The following LILRB2 variants were observed in gnomAD, a reference collection of about 807,000 sequenced individuals.
The protein encoded by LILRB2 is leukocyte immunoglobulin-like receptor subfamily B member 2.
LILRB2 carries 47 observed loss-of-function variants against 72.7 expected under a neutral mutation model. The observed-to-expected ratio is 0.65, with a 90% CI of 0.51 to 0.82. LILRB2 has a LOEUF of 0.82. LILRB2 is among the 40% of genes least tolerant of loss of function. LILRB2 has a pLI of 0.00. For synonymous variants in LILRB2, 279 were observed against 313.7 expected, an observed-to-expected ratio of 0.89 and a Z score of 1.17; for missense variants, 767 against 764.8, an observed-to-expected ratio of 1.00 and a Z score of -0.03.
chr19:54,277,851 G>T (rs1436172649), intron 8 of LILRB2, 38 bp downstream of exon 8: 3 of 1,504,294 alleles, frequency 2.0e-6, no homozygotes, highest in East Asian at 2.5e-5. Context: ...CCTGGGGGTC[G>T]CTGCGCTCCC....
At position 54,279,573 on chromosome 19, in the gene LILRB2, A is replaced by C. The variant is rs1234263758; in HGVS notation, c.430T>G (p.Cys144Gly). Residue 144 changes from cysteine to glycine, a missense_variant, in exon 5 of 14, where the codon TGT (cysteine) becomes GGT (glycine). Physicochemically the swap from Cys to Gly is radical, Grantham distance 159. This residue lies in a region of LILRB2 where 599 missense variants were observed against 568.2 expected (regional missense o/e 1.05). Transcript: ENST00000314446. ...CCGCCAAATGCCACCTGTGACTCAC[A>C]CTGGAGGGTCACCCTTCCTCCTGAG... ...VTSGGRVTLQ[C>G]ESQVAFGGFI... The C allele has an allele frequency of 6.2e-7, 1 of 1,614,078 alleles. No individual in the cohort carries two copies. The highest frequency in any genetic ancestry group is 8.5e-7 in the Non-Finnish European group (1 of 1,179,990).
chr19:54,275,292 A>T (rs976000427), intron 13 of LILRB2: 145 of 624,786 alleles, frequency 2.3e-4, no homozygotes, highest in Non-Finnish European at 9.3e-5. Context: ...TTCCCGCAAG[A>T]GCTCGCTGCT....
Position 54,278,897 on chromosome 19 carries a change from G to A in LILRB2, c.870C>T (p.Tyr290=), listed in dbSNP as rs767091588. ...CACCGTAGCATCTGTACTGGCCCCC[G>A]TAGGAGCGGCTCACAGGGCCCAGGG... ...NFTLGPVSRS[Y]GGQYRCYGAH... Residue 290 remains tyrosine, a synonymous_variant, in exon 6 of 14, where the codon TAC becomes TAT. Coordinates refer to ENST00000314446, the MANE Select transcript of LILRB2 (RefSeq NM_001080978.4). 1.3e-5 allele frequency: 21 copies of A among 1,614,034 alleles called. 1 individual carries two copies. The South Asian group carries it at 1.3e-4, about 10-fold the overall frequency.
chr19:54,278,630 T>C lies in LILRB2; in HGVS notation c.956-68A>G, dbSNP rs1006418596. On this transcript the variant is annotated intron_variant, in intron 6 of 13. Transcript: ENST00000314446. Reference sequence around the variant, plus strand: ...CTGAGCTGAGACCTCCCCAGGCCTCTCTAGGAGCCTCTGTCTCTGTTTTCT... The same window carrying C: ...CTGAGCTGAGACCTCCCCAGGCCTCCCTAGGAGCCTCTGTCTCTGTTTTCT... 1.5e-5 allele frequency: 23 copies of C among 1,510,776 alleles called. No homozygotes were observed. In the Admixed American group the frequency reaches 2.0e-4, roughly 13 times the overall value. 93.6% of individuals were successfully genotyped at this position (1,510,776 alleles called of 1,614,324 possible). A position where few individuals can be genotyped will look rare whatever the true frequency, so the allele number is the denominator to read the frequency against.
At position 54,280,015 on chromosome 19, in the gene LILRB2, G is replaced by A; in HGVS notation, c.131C>T (p.Pro44Leu). The change falls in exon 4 of 14, where the codon CCC (proline) becomes CTC (leucine). Residue 44 changes from proline to leucine, a missense_variant. By Grantham distance (98) the Pro-to-Leu change is moderately conservative (BLOSUM62 -3). Transcript: ENST00000314446. ...EPDSVITQGS[P>L]VTLSCQGSLE... The stretch of plus-strand genomic sequence containing the variant: ...GCTCCCCTGACAACTGAGGGTGACG[G>A]GACTCCCCTGGGTGATCACAGAGTC... 6.2e-7 allele frequency: 1 copy of A among 1,614,080 alleles called. No individual in the cohort carries two copies. Among genetic ancestry groups the A allele is most frequent in the Non-Finnish European group, 8.5e-7 (1 of 1,179,982 alleles).
In LILRB2 at chr19:54,274,510, A is replaced by G; in HGVS notation, c.*173T>C. The G allele has an allele frequency of 8.4e-7, 1 of 1,183,780 alleles. No homozygotes were observed. Among genetic ancestry groups the G allele is most frequent in the Non-Finnish European group, 1.2e-6 (1 of 858,246 alleles). 73.3% of individuals were successfully genotyped at this position (1,183,780 alleles called of 1,614,324 possible). ...TTTAATTAAAAAATGTAGGGATATT[A>G]GTTATTTCGACTGCAGAATCAAGTG... On this transcript the variant is annotated 3_prime_UTR_variant, in exon 14 of 14. Coordinates refer to ENST00000314446, the MANE Select transcript of LILRB2 (RefSeq NM_001080978.4).
chr19:54,275,693 C>T (rs1265869308), intron 13 of LILRB2: 10 of 622,840 alleles, frequency 1.6e-5, no homozygotes, highest in Non-Finnish European at 3.1e-5. Context: ...CCTCATCCTC[C>T]AGAGGCCTGG....
rs1178991107 is a variant in LILRB2, at chr19:54,279,126, T to C, written c.659-18A>G. On this transcript the variant is annotated intron_variant, in intron 5 of 13. Transcript: ENST00000314446. ...AGAAACACCTGGGAAAAGGTGCTCA[T>C]GGTTTCCAGGAGCCGACCCTCAGGC... 1 of 1,606,740 alleles carries C rather than the reference T, an allele frequency of 6.2e-7. No individual in the cohort carries two copies. Among genetic ancestry groups the C allele is most frequent in the Non-Finnish European group, 8.5e-7 (1 of 1,175,186 alleles).
chr19:54,277,522 C>T (rs768331689), intron 9 of LILRB2, 28 bp downstream of exon 9: 4 of 1,557,034 alleles, frequency 2.6e-6, no homozygotes, highest in Admixed American at 1.9e-5. Context: ...GGACCCCGCC[C>T]ACCTCCCACT....
At chr19:54,277,439 G>C in intron 9 of LILRB2, 111 bp downstream of exon 9, 1 of 1,479,896 alleles carries the variant, frequency 6.8e-7, no homozygotes, top group Non-Finnish European at 9.2e-7. Context: ...GGCCCAGGCA[G>C]GGGAGGAGCC....
intron 7 of LILRB2, 47 bp downstream of exon 7, chr19:54,278,213 C>T (rs748113569): frequency 3.1e-6 from 5 of 1,609,260 alleles, no homozygotes; most frequent in Admixed American, 3.3e-5. Context: ...GGGGCAGGGC[C>T]TGAGCTGAGC....
chr19:54,275,320 C>T (rs111973932), intron 13 of LILRB2: 151 of 571,500 alleles, frequency 2.6e-4, no homozygotes, highest in Middle Eastern at 9.8e-4. Flanking sequence ...GGCCTTTGCA[C>T]GGCTGTTTCC....
chr19:54,280,284 G>A lies in LILRB2; in HGVS notation c.50C>T (p.Pro17Leu), dbSNP rs1484375952. The change falls in exon 3 of 14, where the codon CCC becomes CTC. Residue 17 changes from proline to leucine, a missense_variant. Physicochemically the swap from Pro to Leu is moderately conservative, Grantham distance 98 (BLOSUM62 -3). Transcript: ENST00000314446. ...VLICLGLSLG[P>L]RTRVQTGTIP... ...CTCACCTGTCTGCACGCGGGTCCTGGGGCCCAGACTCAGCCCTGGAAGAGA... is the reference window on the plus strand; with the variant it reads ...CTCACCTGTCTGCACGCGGGTCCTGAGGCCCAGACTCAGCCCTGGAAGAGA... The A allele has an allele frequency of 5.6e-6, 9 of 1,613,958 alleles. No individual in the cohort carries two copies. In the African/African-American group the frequency reaches 1.2e-4, roughly 22 times the overall value.
rs41308750 is a variant in LILRB2, at chr19:54,278,882, T to C, written c.885A>G (p.Arg295=). 10,989 of 1,599,108 alleles carry C rather than the reference T, an allele frequency of 6.9e-3. 54 individuals are homozygous for C. Among genetic ancestry groups the C allele is most frequent in the Admixed American group, 0.014 (815 of 59,800 alleles). ...AGGAGAGGTTGTGTGCACCGTAGCA[T>C]CTGTACTGGCCCCCGTAGGAGCGGC... is the stretch of plus-strand genomic sequence containing the variant. The part of the protein sequence containing the change: ...PVSRSYGGQY[R]CYGAHNLSSE... Residue 295 remains arginine, a synonymous_variant, in exon 6 of 14, where the codon AGA becomes AGG. Transcript: ENST00000314446.
chr19:54,281,087 G>T lies in LILRB2; in HGVS notation c.-175C>A, dbSNP rs1744109034. ...TGCTGTCCAGGTTGAGCTGTGTGTG[G>T]CAGTGAGCACAGAGGAGAAATGCAG... On this transcript the variant is annotated 5_prime_UTR_variant, in exon 1 of 14. Transcript: ENST00000314446. 2 of 441,414 alleles carry T rather than the reference G, an allele frequency of 4.5e-6. No individual in the cohort carries two copies. Among genetic ancestry groups the T allele is most frequent in the Admixed American group, 2.5e-5 (1 of 40,172 alleles). 27.3% of individuals were successfully genotyped at this position (441,414 alleles called of 1,614,324 possible).
Position 54,276,274 on chromosome 19 carries a change from T to C in LILRB2, c.1584A>G (p.Glu528=). 1.2e-6 allele frequency: 2 copies of C among 1,613,934 alleles called. No individual in the cohort carries two copies. Among genetic ancestry groups the C allele is most frequent in the Non-Finnish European group, 1.7e-6 (2 of 1,179,914 alleles). ...WRSSPAADAQ[E]ENLYAAVKDT... The stretch of plus-strand genomic sequence containing the variant: ...CTTCCTCTCACTCACAGAGGTTTTC[T>C]TCCTGGGCGTCGGCAGCTGGGCTGG... Residue 528 remains glutamate, a synonymous_variant, in exon 12 of 14, where the codon GAA becomes GAG. Coordinates refer to ENST00000314446, the MANE Select transcript of LILRB2 (RefSeq NM_001080978.4).
At chr19:54,275,761 G>A (rs1319089568) in intron 13 of LILRB2, 190 bp downstream of exon 13, 35 of 801,140 alleles carry the variant, frequency 4.4e-5, no homozygotes, top group Non-Finnish European at 6.3e-5. Context: ...AGGGGACCCG[G>A]GAGGAGGCCC....
At chr19:54,277,858 T>A in intron 8 of LILRB2, 31 bp downstream of exon 8, 1 of 1,529,208 alleles carries the variant, frequency 6.5e-7, no homozygotes, top group Admixed American at 2.0e-5. Context: ...GTCGCTGCGC[T>A]CCCTTCGAGC....
intron 6 of LILRB2, 36 bp from the exon 7 acceptor site, chr19:54,278,598 C>T: frequency 1.2e-6 from 2 of 1,609,776 alleles, no homozygotes; most frequent in South Asian, 2.2e-5. Flanking sequence ...GGCTGCCCCA[C>T]CTTGCTCTGA....
Sources: gnomAD v4.1 joint callset for allele counts on GRCh38, gnomAD v4.1.1 for gene constraint, gnomAD v4.1.1 regional missense constraint, MANE v1.5 for transcripts, NCBI Gene and HGNC (gene_info 2026-07-23, HGNC 2026-07-21) for gene names.